FGGY: variants seen among roughly 807,000 people sequenced by gnomAD.
FGGY encodes the protein FGGY carbohydrate kinase domain-containing protein.
Under a neutral mutation model 71.3 loss-of-function variants are expected in FGGY, and 72 were observed. The ratio of observed to expected loss-of-function variants is 1.01; its 90% confidence interval spans 0.84 to 1.23. The LOEUF is 1.23. FGGY is among the 50% of genes most tolerant of loss of function. The pLI is 0.00. For missense variants in FGGY, 668 were observed against 682.3 expected (o/e 0.98, Z 0.23); for synonymous variants, 251 against 250.3 (o/e 1.00, Z -0.02).
intron 8 of FGGY, among the ~76,000 whole-genome samples, chr1:59,587,358 TG>T (rs1235811413): frequency 6.6e-6 from 1 of 152,060 alleles, no homozygotes; most frequent in African/African-American, 2.4e-5. Flanking sequence ...GCTCCACCTC[TG>T]GGGGCAGGGA....
rs537348709 is a variant in FGGY, at chr1:59,746,348, A to G, written c.1513-11583A>G. ...TCACCTTCCCCAACCCACCTGAAACATACACACATGGCAACACTTACCTTT... is the reference window on the plus strand; with the variant it reads ...TCACCTTCCCCAACCCACCTGAAACGTACACACATGGCAACACTTACCTTT... On this transcript the variant is annotated intron_variant, in intron 14 of 15. Coordinates refer to ENST00000303721, the MANE Select transcript of FGGY (RefSeq NM_018291.5). Among the ~76,000 whole-genome samples the G allele has an allele frequency of 3.3e-5, 5 of 152,340 alleles. No individual in the cohort carries two copies. The South Asian group carries it at 1.0e-3, about 32-fold the overall frequency.
At chr1:59,655,692 A>G (rs2097211779) in intron 11 of FGGY, among the ~76,000 whole-genome samples, 1 of 152,192 alleles carries the variant, frequency 6.6e-6, no homozygotes, top group African/African-American at 2.4e-5. Context: ...CTCTTTGCAC[A>G]GTTGGCACCA....
chr1:59,428,842 G>A (rs1328915392), intron 5 of FGGY, among the ~76,000 whole-genome samples: 1 of 152,214 alleles, frequency 6.6e-6, no homozygotes, highest in Non-Finnish European at 1.5e-5. Context: ...GGACCACATG[G>A]CAGCATTAGA....
chr1:59,474,382 A>G (rs531190912), intron 6 of FGGY, among the ~76,000 whole-genome samples: 1 of 152,324 alleles, frequency 6.6e-6, no homozygotes, highest in African/African-American at 2.4e-5. Context: ...CACTCATTTT[A>G]TAGACAAAAA....
intron 6 of FGGY, among the ~76,000 whole-genome samples, chr1:59,466,161 A>C (rs2092612035): frequency 6.6e-6 from 1 of 152,238 alleles, no homozygotes; most frequent in Non-Finnish European, 1.5e-5. Context: ...ACAGAGATAT[A>C]GACCAATGGA....
At position 59,702,227 on chromosome 1, in the gene FGGY, G is replaced by A. The variant is rs117364185; in HGVS notation, c.1512+28094G>A. On this transcript the variant is annotated intron_variant, in intron 14 of 15. Transcript: ENST00000303721. ...CCTCAACATACGGGGATTACAATTC[G>A]AGGTGAGATTTGGATGGGGAGACAA... Among the ~76,000 whole-genome samples the A allele has an allele frequency of 7.0e-4, 107 of 152,290 alleles. No individual in the cohort carries two copies. The East Asian group carries it at 9.1e-3, about 13-fold the overall frequency.
At chr1:59,419,791 T>A (rs1007549783) in intron 5 of FGGY, among the ~76,000 whole-genome samples, 1 of 152,178 alleles carries the variant, frequency 6.6e-6, no homozygotes, top group Non-Finnish European at 1.5e-5. Flanking sequence ...ATTATCCATG[T>A]GGGCTTAGAA....
intron 14 of FGGY, among the ~76,000 whole-genome samples, chr1:59,733,456 G>GTTT (rs1206243455): frequency 1.9e-4 from 23 of 118,596 alleles, no homozygotes; most frequent in Middle Eastern, 4.4e-3. Flanking sequence ...GTTTTGTTTT[G>GTTT]TTTTGTTTTT....
chr1:59,470,482 C>T (rs7550493), intron 6 of FGGY, among the ~76,000 whole-genome samples: 6,071 of 152,246 alleles, frequency 0.04, 398 homozygotes, highest in African/African-American at 0.14. Flanking sequence ...CCATTTAACA[C>T]GGCCTCATGG....
intron 5 of FGGY, among the ~76,000 whole-genome samples, chr1:59,427,694 A>G (rs2066637924): frequency 6.6e-6 from 1 of 152,080 alleles, no homozygotes; most frequent in African/African-American, 2.4e-5. Context: ...GAGTGCAGCA[A>G]CCCCTCTGTG....
intron 10 of FGGY, among the ~76,000 whole-genome samples, chr1:59,630,118 G>T (rs188447127): frequency 6.6e-6 from 1 of 152,196 alleles, no homozygotes; most frequent in Non-Finnish European, 1.5e-5. Flanking sequence ...GCAAAAGGAG[G>T]AAAAGCCCCT....
At chr1:59,704,113 G>A (rs892721478) in intron 14 of FGGY, among the ~76,000 whole-genome samples, 16 of 152,198 alleles carry the variant, frequency 1.1e-4, no homozygotes, top group East Asian at 3.9e-4. Flanking sequence ...GTATATGTGC[G>A]CACATGTTCA....
At chr1:59,352,349 C>CTTTTAACTCA (rs1261300386) in intron 4 of FGGY, among the ~76,000 whole-genome samples, 1 of 152,180 alleles carries the variant, frequency 6.6e-6, no homozygotes, top group African/African-American at 2.4e-5. Context: ...TCCAAGCTGT[C>CTTTTAACTCA]TTTTAACTCA....
intron 10 of FGGY, among the ~76,000 whole-genome samples, chr1:59,631,375 G>C (rs2096907125): frequency 6.6e-6 from 1 of 152,108 alleles, no homozygotes; most frequent in African/African-American, 2.4e-5. Context: ...ATACTTAGTA[G>C]GTATTCAGTA....
At chr1:59,364,425 G>C (rs1051798102) in intron 4 of FGGY, among the ~76,000 whole-genome samples, 2 of 152,080 alleles carry the variant, frequency 1.3e-5, no homozygotes, top group African/African-American at 4.8e-5. Context: ...AGAGAAACTG[G>C]GACAGTTCTT....
intron 5 of FGGY, among the ~76,000 whole-genome samples, chr1:59,423,984 A>T (rs1031356917): frequency 2.6e-5 from 4 of 152,184 alleles, no homozygotes; most frequent in Admixed American, 1.3e-4. Flanking sequence ...AGGGGAGGCA[A>T]GGTGTTGTTT....
chr1:59,664,085 C>A (rs951340405), intron 12 of FGGY, among the ~76,000 whole-genome samples: 1 of 152,158 alleles, frequency 6.6e-6, no homozygotes, highest in Admixed American at 6.5e-5. Flanking sequence ...TTATCCATAG[C>A]CTGTTCATCT....
At chr1:59,579,276 C>T (rs375408701) in intron 8 of FGGY, among the ~76,000 whole-genome samples, 9 of 152,194 alleles carry the variant, frequency 5.9e-5, no homozygotes, top group African/African-American at 2.2e-4. Context: ...TAAGCCTCTG[C>T]CCAAGACCTC....
At chr1:59,462,830 A>G (rs952429496) in intron 6 of FGGY, among the ~76,000 whole-genome samples, 9 of 151,940 alleles carry the variant, frequency 5.9e-5, no homozygotes, top group South Asian at 4.2e-4. Context: ...GAGGATGTGG[A>G]GAAATAGGAA....
Sources: gnomAD v4.1 joint callset for allele counts (sites outside exome capture counted in the v4.1 genomes callset) on GRCh38, gnomAD v4.1.1 for gene constraint, MANE v1.5 for transcripts, NCBI Gene and HGNC (gene_info 2026-07-23, HGNC 2026-07-21) for gene names.